Variants in MTHFS observed in about 807,000 individuals in gnomAD.
The protein encoded by MTHFS is methenyltetrahydrofolate synthetase.
A neutral mutation model predicts 12.7 loss-of-function variants in MTHFS; 7 were observed. The ratio of observed to expected loss-of-function variants is 0.55; its 90% CI spans 0.31 to 1.03. The LOEUF is 1.03. Among genes scored for constraint, MTHFS ranks in the 50% least tolerant of loss-of-function variants. The pLI is 0.05. For missense variants in MTHFS, 252 were observed against 258.1 expected, an observed-to-expected ratio of 0.98 and a Z score of 0.16; for synonymous variants, 100 against 97.1, an observed-to-expected ratio of 1.03 and a Z score of -0.18.
At chr15:79,884,349 A>C (rs991573967) in intron 2 of MTHFS, among the ~76,000 whole-genome samples, 5 of 152,222 alleles carry the variant, frequency 3.3e-5, no homozygotes, top group African/African-American at 1.2e-4. Context: ...AAGTGGCCTG[A>C]ATGTTTGGAT....
chr15:79,861,804 A>C (rs929892496), intron 2 of MTHFS, among the ~76,000 whole-genome samples: 3 of 152,220 alleles, frequency 2.0e-5, no homozygotes, highest in African/African-American at 7.2e-5. Flanking sequence ...TCTATGGTTT[A>C]TCAACAAGTG....
intron 2 of MTHFS, among the ~76,000 whole-genome samples, chr15:79,866,187 A>G (rs1363156631): frequency 6.6e-6 from 1 of 152,154 alleles, no homozygotes; most frequent in Non-Finnish European, 1.5e-5. Flanking sequence ...TCATGAATAA[A>G]AGGATCTGTG....
rs115672781 is a variant in MTHFS at position 79,867,018 on chromosome 15, A to C, written c.380-21576T>G. ...AAAAAAAAAGTACTCTTTTAGTGCCAAAAAAGCAAATCTGCAAAACCACAT... is the reference window on the plus strand; with the variant it reads ...AAAAAAAAAGTACTCTTTTAGTGCCCAAAAAGCAAATCTGCAAAACCACAT... On this transcript the variant is annotated intron_variant, in intron 2 of 2. Coordinates refer to ENST00000258874, the MANE Select transcript of MTHFS (RefSeq NM_006441.4). Among the ~76,000 whole-genome samples, 530 of 151,756 alleles carry C rather than the reference A, an allele frequency of 3.5e-3. 4 individuals carry two copies. The highest frequency in any genetic ancestry group is 0.012 in the African/African-American group (516 of 41,412).
In MTHFS at chr15:79,888,969, G is replaced by A. The variant is rs562901859; in HGVS notation, c.379+124C>T. 9.8e-5 allele frequency: 139 copies of A among 1,422,842 alleles called. 1 individual carries two copies. The highest frequency in any genetic ancestry group is 6.0e-5 in the South Asian group (4 of 66,742). 88.1% of individuals were successfully genotyped at this position (1,422,842 alleles called of 1,614,324 possible). A position where few individuals can be genotyped will look rare whatever the true frequency, so the allele number is the denominator to read the frequency against. On this transcript the variant is annotated intron_variant, in intron 2 of 2. Coordinates refer to ENST00000258874, the MANE Select transcript of MTHFS (RefSeq NM_006441.4). Reference sequence around the variant, plus strand: ...CCAGGTAATACAGGTGTCTTGGAACGTAGGCAAAATACAAATTAATCCCTT... The same window carrying A: ...CCAGGTAATACAGGTGTCTTGGAACATAGGCAAAATACAAATTAATCCCTT...
chr15:79,893,901 A>G (rs1003828086), intron 1 of MTHFS, among the ~76,000 whole-genome samples: 2 of 152,146 alleles, frequency 1.3e-5, no homozygotes, highest in African/African-American at 4.8e-5. Context: ...TAAATTTCTA[A>G]GTTATAAAAA....
In MTHFS at chr15:79,897,003, G is replaced by A. The variant is rs1218321582; in HGVS notation, c.-15C>T. On this transcript the variant is annotated 5_prime_UTR_variant, in exon 1 of 3. Transcript: ENST00000258874. ...GCCGCCGCCATCTCACGCCCAAGCC[G>A]AGTCCAGTCCCGCCCTCGGCGCCCT... 3.3e-6 allele frequency: 5 copies of A among 1,523,714 alleles called. No individual in the cohort carries two copies. Among genetic ancestry groups the A allele is most frequent in the East Asian group, 2.5e-5 (1 of 39,510 alleles). 94.4% of individuals were successfully genotyped at this position (1,523,714 alleles called of 1,614,324 possible).
rs1406938302 is a variant in MTHFS at position 79,867,126 on chromosome 15, A to G, written c.380-21684T>C. Reference sequence around the variant, plus strand: ...ACCACTCCTATGAACTATAGTTTCTACAGGATAAAAATAGCCTAATACATC... The same window carrying G: ...ACCACTCCTATGAACTATAGTTTCTGCAGGATAAAAATAGCCTAATACATC... On this transcript the variant is annotated intron_variant, in intron 2 of 2. Coordinates refer to ENST00000258874, the MANE Select transcript of MTHFS (RefSeq NM_006441.4). Among the ~76,000 whole-genome samples the G allele has an allele frequency of 2.0e-5, 3 of 152,214 alleles. No homozygotes were observed. In the East Asian group the frequency reaches 5.8e-4, roughly 29 times the overall value.
chr15:79,895,018 C>T (rs565489453), intron 1 of MTHFS, among the ~76,000 whole-genome samples: 1 of 152,270 alleles, frequency 6.6e-6, no homozygotes, highest in Non-Finnish European at 1.5e-5. Context: ...ACATAACAAA[C>T]AATAGGTAAA....
intron 2 of MTHFS, among the ~76,000 whole-genome samples, chr15:79,847,774 G>A (rs369892986): frequency 6.6e-6 from 1 of 151,996 alleles, no homozygotes; most frequent in East Asian, 1.9e-4. Flanking sequence ...TGATCATCAG[G>A]GAAATACAAA....
chr15:79,859,699 TCCCA>T (rs1041331897), intron 2 of MTHFS, among the ~76,000 whole-genome samples: 1 of 150,780 alleles, frequency 6.6e-6, no homozygotes. Context: ...GAGCCTGTAA[TCCCA>T]GCTACTCGGG....
intron 2 of MTHFS, among the ~76,000 whole-genome samples, chr15:79,858,852 A>G (rs2033857807): frequency 6.6e-6 from 1 of 152,240 alleles, no homozygotes; most frequent in Non-Finnish European, 1.5e-5. Context: ...AATAACTTTA[A>G]AATTACTTCA....
At chr15:79,885,345 A>G (rs2733106) in intron 2 of MTHFS, among the ~76,000 whole-genome samples, 19,918 of 152,280 alleles carry the variant, frequency 0.13, 1,443 homozygotes, top group Admixed American at 0.2. Context: ...CAAGAAGATC[A>G]TAAGTTAAAA....
At position 79,897,002 on chromosome 15, in the gene MTHFS, C is replaced by G; in HGVS notation, c.-14G>C. ...TGCCGCCGCCATCTCACGCCCAAGC[C>G]GAGTCCAGTCCCGCCCTCGGCGCCC... On this transcript the variant is annotated 5_prime_UTR_variant, in exon 1 of 3. Transcript: ENST00000258874. The G allele has an allele frequency of 2.0e-6, 3 of 1,523,730 alleles. No individual in the cohort carries two copies. Among genetic ancestry groups the G allele is most frequent in the Non-Finnish European group, 2.6e-6 (3 of 1,141,478 alleles). 94.4% of individuals were successfully genotyped at this position (1,523,730 alleles called of 1,614,324 possible). A position where few individuals can be genotyped will look rare whatever the true frequency, so the allele number is the denominator to read the frequency against.
chr15:79,867,368 G>A (rs1479060596), intron 2 of MTHFS, among the ~76,000 whole-genome samples: 37 of 145,610 alleles, frequency 2.5e-4, no homozygotes, highest in Non-Finnish European at 4.5e-4. Context: ...ATAAGATTAC[G>A]TAGCAAAAAA....
intron 2 of MTHFS, among the ~76,000 whole-genome samples, chr15:79,861,405 T>C (rs960779099): frequency 5.9e-5 from 9 of 152,316 alleles, no homozygotes; most frequent in Admixed American, 1.3e-4. Context: ...ACATGGAGGC[T>C]ACCACACAAC....
At chr15:79,846,193 T>G (rs1012120592) in intron 2 of MTHFS, among the ~76,000 whole-genome samples, 3 of 152,134 alleles carry the variant, frequency 2.0e-5, no homozygotes, top group African/African-American at 2.4e-5. Flanking sequence ...GGGATTCCCA[T>G]GAAGATGGCA....
chr15:79,866,135 A>C (rs2034007149), intron 2 of MTHFS, among the ~76,000 whole-genome samples: 1 of 151,934 alleles, frequency 6.6e-6, no homozygotes. Context: ...TCGAGAGGCT[A>C]ATGGCTAAGA....
chr15:79,845,452 A>G lies in MTHFS; in HGVS notation c.380-10T>C. Reference sequence around the variant, plus strand: ...ATGAGATCAAGTCCCCCTGCGGAAAAGAGGAACAAATTTAAGAGGATTAAT... The same window carrying G: ...ATGAGATCAAGTCCCCCTGCGGAAAGGAGGAACAAATTTAAGAGGATTAAT... On this transcript the variant is annotated splice_polypyrimidine_tract_variant and intron_variant, in intron 2 of 2. Transcript: ENST00000258874. 6.2e-7 allele frequency: 1 copy of G among 1,609,446 alleles called. No individual in the cohort carries two copies. The highest frequency in any genetic ancestry group is 2.2e-5 in the East Asian group (1 of 44,770).
chr15:79,866,708 T>C (rs1490510091), intron 2 of MTHFS, among the ~76,000 whole-genome samples: 5 of 152,212 alleles, frequency 3.3e-5, no homozygotes, highest in Admixed American at 3.3e-4. Flanking sequence ...CCCAGCACTT[T>C]GGGAGGCCAA....
Sources: gnomAD v4.1 joint callset for allele counts (sites outside exome capture counted in the v4.1 genomes callset) on GRCh38, gnomAD v4.1.1 for gene constraint, MANE v1.5 for transcripts, NCBI Gene and HGNC (gene_info 2026-07-23, HGNC 2026-07-21) for gene names.